Variants in HS1BP3 observed in about 807,000 individuals in gnomAD.
HS1BP3 encodes HCLS1 binding protein 3, also known as HCLS1-binding protein 3.
Under a neutral mutation model 33.5 loss-of-function variants are expected in HS1BP3, and 32 were observed. The observed-to-expected ratio is 0.95, with a 90% confidence interval of 0.72 to 1.28. The LOEUF is 1.28. HS1BP3 is among the 50% of genes most tolerant of loss of function. HS1BP3 has a pLI of 0.00. For synonymous variants in HS1BP3, 187 were observed against 209.2 expected (o/e 0.89, Z 0.92); for missense variants, 486 against 502.3 (o/e 0.97, Z 0.31).
At chr2:20,639,311 C>G (rs1464148386) in intron 3 of HS1BP3, among the ~76,000 whole-genome samples, 1 of 152,248 alleles carries the variant, frequency 6.6e-6, no homozygotes, top group Non-Finnish European at 1.5e-5. Flanking sequence ...AAAGGGAGAG[C>G]AAGCATCCAG....
At chr2:20,649,700 G>A (rs1021764744) in intron 1 of HS1BP3, among the ~76,000 whole-genome samples, 1 of 152,216 alleles carries the variant, frequency 6.6e-6, no homozygotes, top group African/African-American at 2.4e-5. Context: ...CGACTGGGAA[G>A]GGCCGGCCTT....
chr2:20,647,519 C>T (rs528653990), intron 1 of HS1BP3, among the ~76,000 whole-genome samples: 1 of 152,300 alleles, frequency 6.6e-6, no homozygotes, highest in South Asian at 2.1e-4. Context: ...AAAGTGTGGT[C>T]CCTGGATCAG....
chr2:20,577,367 G>C (rs1693425310), intron 5 of HS1BP3, among the ~76,000 whole-genome samples: 1 of 152,098 alleles, frequency 6.6e-6, no homozygotes, highest in African/African-American at 2.4e-5. Flanking sequence ...TCCTTAAAAA[G>C]CTTCCCAACC....
Position 20,634,047 on chromosome 2 carries a change from G to T in HS1BP3, c.623+4389C>A, listed in dbSNP as rs577337157. On this transcript the variant is annotated intron_variant, in intron 4 of 6. Coordinates refer to ENST00000304031, the MANE Select transcript of HS1BP3 (RefSeq NM_022460.4). Reference sequence around the variant, plus strand: ...CCATCCTGGCTCGTGGCCCCCACATGAACCCCAGGATGGCACAGCAGAGAA... The same window carrying T: ...CCATCCTGGCTCGTGGCCCCCACATTAACCCCAGGATGGCACAGCAGAGAA... 3.3e-5 allele frequency among the ~76,000 whole-genome samples: 5 copies of T among 152,334 alleles called. No individual in the cohort carries two copies. The South Asian group carries it at 1.0e-3, about 32-fold the overall frequency.
intron 2 of HS1BP3, among the ~76,000 whole-genome samples, chr2:20,603,120 T>C (rs1202364801): frequency 6.6e-6 from 1 of 152,234 alleles, no homozygotes; most frequent in Non-Finnish European, 1.5e-5. Flanking sequence ...CTTCATATCA[T>C]GCTGGTGGGA....
At chr2:20,630,803 G>A (rs529391771) in intron 4 of HS1BP3, among the ~76,000 whole-genome samples, 12 of 152,312 alleles carry the variant, frequency 7.9e-5, no homozygotes, top group Non-Finnish European at 1.0e-4. Context: ...GCTGTGCTCC[G>A]GGCAGAGAGA....
intron 6 of HS1BP3, among the ~76,000 whole-genome samples, chr2:20,620,412 T>C (rs1262044974): frequency 1.3e-5 from 2 of 152,208 alleles, no homozygotes; most frequent in Admixed American, 1.3e-4. Context: ...AGGTTTTCCC[T>C]TGTGCTAACG....
intron 3 of HS1BP3, among the ~76,000 whole-genome samples, chr2:20,639,156 T>G (rs1407559377): frequency 6.6e-6 from 1 of 152,228 alleles, no homozygotes; most frequent in African/African-American, 2.4e-5. Flanking sequence ...GACTGTGGAC[T>G]GGATGGGTGC....
intron 5 of HS1BP3, among the ~76,000 whole-genome samples, chr2:20,568,018 G>T (rs1388067681): frequency 6.6e-6 from 1 of 152,120 alleles, no homozygotes; most frequent in African/African-American, 2.4e-5. Flanking sequence ...TCTAGGGCTG[G>T]TCTCGCTCAG....
downstream of HS1BP3, among the ~76,000 whole-genome samples, chr2:20,588,940 C>T (rs1186062281): frequency 6.6e-6 from 1 of 152,198 alleles, no homozygotes; most frequent in Admixed American, 6.5e-5. Context: ...AAGCCCAGGG[C>T]GTTCGTGCTT....
chr2:20,648,461 C>T (rs1695584502), intron 1 of HS1BP3, among the ~76,000 whole-genome samples: 1 of 152,202 alleles, frequency 6.6e-6, no homozygotes, highest in African/African-American at 2.4e-5. Context: ...CAGCAGTGGG[C>T]ACAGTCAGCC....
chr2:20,595,350 C>T (rs1391948119), intron 3 of HS1BP3, among the ~76,000 whole-genome samples: 1 of 152,166 alleles, frequency 6.6e-6, no homozygotes, highest in Non-Finnish European at 1.5e-5. Context: ...CAAAGGTGCC[C>T]TGGGGGTCCA....
At chr2:20,617,203 C>A (rs1430611943), downstream of HS1BP3, among the ~76,000 whole-genome samples, 1 of 152,118 alleles carries the variant, frequency 6.6e-6, no homozygotes, top group African/African-American at 2.4e-5. Context: ...AGCCACCTCT[C>A]GGAGGAAGAC....
chr2:20,559,285 C>G (rs1162092595), downstream of HS1BP3, among the ~76,000 whole-genome samples: 2 of 152,242 alleles, frequency 1.3e-5, no homozygotes, highest in Non-Finnish European at 2.9e-5. Flanking sequence ...TGGCAATGCT[C>G]CCTTTACCAG....
chr2:20,621,467 T>C (rs1410703745), intron 6 of HS1BP3, among the ~76,000 whole-genome samples: 1 of 152,174 alleles, frequency 6.6e-6, no homozygotes, highest in Non-Finnish European at 1.5e-5. Context: ...TAGAGGTGAT[T>C]TCAGGAGGTG....
At chr2:20,563,330 G>T (rs975193665) in intron 5 of HS1BP3, among the ~76,000 whole-genome samples, 49 of 152,350 alleles carry the variant, frequency 3.2e-4, no homozygotes, top group African/African-American at 1.1e-3. Flanking sequence ...ACAGGCCCTT[G>T]GTTCCCAGTG....
intron 2 of HS1BP3, among the ~76,000 whole-genome samples, chr2:20,600,148 C>T (rs943289648): frequency 2.0e-5 from 3 of 152,132 alleles, no homozygotes; most frequent in Non-Finnish European, 4.4e-5. Flanking sequence ...GCCTGTTAGT[C>T]CCTTTTCTTG....
At chr2:20,628,463 C>T (rs1694861735) in intron 4 of HS1BP3, among the ~76,000 whole-genome samples, 1 of 152,004 alleles carries the variant, frequency 6.6e-6, no homozygotes, top group Non-Finnish European at 1.5e-5. Flanking sequence ...GATGAAATCC[C>T]ATCTCTACTA....
chr2:20,647,414 C>A (rs111508381), intron 1 of HS1BP3, among the ~76,000 whole-genome samples: 4,266 of 152,320 alleles, frequency 0.028, 90 homozygotes, highest in South Asian at 0.059. Context: ...TGTAAACATG[C>A]AGCCTGGTCC....
Sources: allele counts gnomAD v4.1 joint callset (sites outside exome capture counted in the v4.1 genomes callset), GRCh38; gene constraint gnomAD v4.1.1; transcripts MANE v1.5; gene names NCBI Gene and HGNC (gene_info 2026-07-23, HGNC 2026-07-21).